PRKN: variants seen among roughly 807,000 people sequenced by gnomAD.
PRKN encodes the protein E3 ubiquitin-protein ligase parkin.
Under a neutral mutation model 59.5 loss-of-function variants are expected in PRKN, and 56 were observed. That is an observed-to-expected ratio of 0.94 (90% CI 0.76 to 1.18). The LOEUF (loss-of-function observed/expected upper bound fraction) is 1.18, where lower values mean the gene tolerates loss of function less well. Among genes scored for constraint, PRKN ranks in the 50% most tolerant of loss-of-function variants. The pLI is 0.00. For synonymous variants in PRKN, 250 were observed against 222.1 expected, an observed-to-expected ratio of 1.13 and a Z score of -1.12; for missense variants, 657 against 596.4, an observed-to-expected ratio of 1.10 and a Z score of -1.06.
intron 1 of PRKN, among the ~76,000 whole-genome samples, chr6:162,496,657 A>C (rs2128186576): frequency 6.6e-6 from 1 of 152,292 alleles, no homozygotes; most frequent in South Asian, 2.1e-4. Context: ...AATGATCCTG[A>C]GTGTGTTATT....
At chr6:162,177,390 G>GT (rs1261460911) in intron 4 of PRKN, among the ~76,000 whole-genome samples, 1 of 152,162 alleles carries the variant, frequency 6.6e-6, no homozygotes. Context: ...AGCAATGCTT[G>GT]TATCAGCGGT....
intron 1 of PRKN, among the ~76,000 whole-genome samples, chr6:162,552,083 T>A (rs1212435207): frequency 6.6e-6 from 1 of 152,002 alleles, no homozygotes; most frequent in Non-Finnish European, 1.5e-5. Context: ...AACACAGCCA[T>A]GAGAAGAGAG....
intron 7 of PRKN, among the ~76,000 whole-genome samples, chr6:161,684,592 G>A (rs999796181): frequency 2.0e-5 from 3 of 151,688 alleles, no homozygotes. Flanking sequence ...CCTATTAGAG[G>A]GAAAAAATGT....
chr6:161,845,179 T>C (rs1321411445), intron 6 of PRKN, among the ~76,000 whole-genome samples: 1 of 152,152 alleles, frequency 6.6e-6, no homozygotes, highest in African/African-American at 2.4e-5. Flanking sequence ...GCTCAACCAG[T>C]GGACCAAACA....
intron 7 of PRKN, among the ~76,000 whole-genome samples, chr6:161,750,872 AG>A (rs763893961): frequency 9.2e-5 from 14 of 152,090 alleles, no homozygotes; most frequent in Admixed American, 2.0e-4. Flanking sequence ...ATAAGGCTCT[AG>A]GTACAACAAA....
At chr6:161,882,528 C>T (rs1794977272) in intron 6 of PRKN, among the ~76,000 whole-genome samples, 1 of 152,190 alleles carries the variant, frequency 6.6e-6, no homozygotes, top group Non-Finnish European at 1.5e-5. Context: ...CATCAATTAT[C>T]CCAGTTTTGG....
intron 5 of PRKN, among the ~76,000 whole-genome samples, chr6:162,021,107 A>AAC (rs534679636): frequency 0.062 from 6,853 of 110,774 alleles, 836 homozygotes; most frequent in Middle Eastern, 0.12. Flanking sequence ...TGTCTCAAAA[A>AAC]AAAAACAAAA....
chr6:162,158,931 T>C (rs1782643501), intron 4 of PRKN, among the ~76,000 whole-genome samples: 1 of 152,022 alleles, frequency 6.6e-6, no homozygotes, highest in African/African-American at 2.4e-5. Flanking sequence ...CCCCTGTTCA[T>C]GAATGCTCAT....
At chr6:161,669,553 C>T (rs1383864784) in intron 7 of PRKN, among the ~76,000 whole-genome samples, 1 of 152,222 alleles carries the variant, frequency 6.6e-6, no homozygotes, top group Non-Finnish European at 1.5e-5. Context: ...GCAAAATTCA[C>T]TAAGGATTGT....
At chr6:161,976,330 G>A (rs1466353286) in intron 5 of PRKN, among the ~76,000 whole-genome samples, 3 of 152,224 alleles carry the variant, frequency 2.0e-5, no homozygotes, top group African/African-American at 7.2e-5. Flanking sequence ...ATCTGGGGCA[G>A]TGGAATATCA....
chr6:162,110,401 A>C (rs758492629), intron 4 of PRKN, among the ~76,000 whole-genome samples: 1 of 152,224 alleles, frequency 6.6e-6, no homozygotes, highest in African/African-American at 2.4e-5. Context: ...TTCTGTGCCA[A>C]AAAGCAAGGA....
rs1458144402 is a variant in PRKN at position 161,551,199 on chromosome 6, G to A, written c.934-2196C>T. ...TTTATGTAACTGAGAGATTGCCTGT[G>A]AGTGATTACTGCATAGATTTCTTAG... is the stretch of plus-strand genomic sequence containing the variant. On this transcript the variant is annotated intron_variant, in intron 8 of 11. Transcript: ENST00000366898. The surrounding 1 kb of genome is among the most constrained non-coding windows in gnomAD (Gnocchi z 5.2). 6.6e-6 allele frequency among the ~76,000 whole-genome samples: 1 copy of A among 152,184 alleles called. No individual in the cohort carries two copies. The highest frequency in any genetic ancestry group is 1.9e-4 in the East Asian group (1 of 5,188).
chr6:162,359,613 TG>T (rs1785049107), intron 2 of PRKN, among the ~76,000 whole-genome samples: 2 of 151,650 alleles, frequency 1.3e-5, no homozygotes, highest in Non-Finnish European at 2.9e-5. Flanking sequence ...AACATAAACA[TG>T]GTTATAAGTG....
intron 3 of PRKN, among the ~76,000 whole-genome samples, chr6:162,253,565 T>G (rs1779524545): frequency 6.6e-6 from 1 of 152,156 alleles, no homozygotes. Context: ...CATTCTCATT[T>G]TCATAAAAGG....
At chr6:162,153,423 T>C (rs1047403867) in intron 4 of PRKN, among the ~76,000 whole-genome samples, 1 of 152,198 alleles carries the variant, frequency 6.6e-6, no homozygotes, top group Non-Finnish European at 1.5e-5. Flanking sequence ...TCAGAGGGCA[T>C]GTTACAATGC....
intron 5 of PRKN, among the ~76,000 whole-genome samples, chr6:162,021,605 G>T (rs536578681): frequency 1.4e-4 from 21 of 151,822 alleles, no homozygotes; most frequent in Non-Finnish European, 2.8e-4. Context: ...AAGTTTCTAG[G>T]ATATTACTGT....
chr6:161,520,055 C>T (rs1041045262), intron 9 of PRKN, among the ~76,000 whole-genome samples: 2 of 152,098 alleles, frequency 1.3e-5, no homozygotes, highest in Admixed American at 6.5e-5. Flanking sequence ...AACAGCCTCA[C>T]CAGTAGAGAT....
At chr6:161,749,929 C>T (rs998639528) in intron 7 of PRKN, among the ~76,000 whole-genome samples, 3 of 152,072 alleles carry the variant, frequency 2.0e-5, no homozygotes, top group Admixed American at 2.0e-4. Context: ...TTTGTAAAAG[C>T]CTACCATTTC....
chr6:162,366,991 T>C (rs150592487), intron 2 of PRKN, among the ~76,000 whole-genome samples: 405 of 152,310 alleles, frequency 2.7e-3, no homozygotes, highest in African/African-American at 8.7e-3. Context: ...ATGGTTTGGC[T>C]GTGTCCCTAC....
Sources: gnomAD v4.1 joint callset for allele counts (sites outside exome capture counted in the v4.1 genomes callset) on GRCh38, gnomAD v4.1.1 for gene constraint, Gnocchi (gnomAD v3.1) non-coding constraint, MANE v1.5 for transcripts, NCBI Gene and HGNC (gene_info 2026-07-23, HGNC 2026-07-21) for gene names.